Variants in ASAP1 observed in about 807,000 individuals in gnomAD.
ASAP1 encodes arf-GAP with SH3 domain, ANK repeat and PH domain-containing protein 1.
In ASAP1, 43 loss-of-function variants were observed where a neutral mutation model predicts 145.2. The ratio of observed to expected loss-of-function variants is 0.30; its 90% CI spans 0.23 to 0.38. The LOEUF (loss-of-function observed/expected upper bound fraction) is 0.38. ASAP1 is among the 10% of genes least tolerant of loss of function. The pLI is 1.00. For synonymous variants in ASAP1, 546 were observed against 515.5 expected, an observed-to-expected ratio of 1.06 and a Z score of -0.80; for missense variants, 1,018 against 1,355.3, an observed-to-expected ratio of 0.75 and a Z score of 3.91.
At chr8:130,178,044 C>A (rs1814086428) in intron 9 of ASAP1, among the ~76,000 whole-genome samples, 1 of 152,144 alleles carries the variant, frequency 6.6e-6, no homozygotes, top group Admixed American at 6.6e-5. Flanking sequence ...CTAACCCAAG[C>A]TTTGTGCTTT....
intron 26 of ASAP1, among the ~76,000 whole-genome samples, chr8:130,077,305 G>A (rs143867974): frequency 6.6e-6 from 1 of 152,280 alleles, no homozygotes; most frequent in East Asian, 1.9e-4. Context: ...ATCATCAAAC[G>A]TTAACCTCTG....
At chr8:130,234,909 T>C (rs1412458621) in intron 4 of ASAP1, among the ~76,000 whole-genome samples, 1 of 152,122 alleles carries the variant, frequency 6.6e-6, no homozygotes, top group Non-Finnish European at 1.5e-5. Flanking sequence ...TGAATTAAAA[T>C]AGAGAAGGCA....
At chr8:130,109,225 G>A (rs933493264) in intron 24 of ASAP1, among the ~76,000 whole-genome samples, 1 of 151,412 alleles carries the variant, frequency 6.6e-6, no homozygotes, top group Non-Finnish European at 1.5e-5. Flanking sequence ...GTTAGGCAGC[G>A]AAGTGTTTCG....
chr8:130,059,252 C>T, intron 28 of ASAP1, among the ~76,000 whole-genome samples: 1 of 151,778 alleles, frequency 6.6e-6, no homozygotes, highest in Non-Finnish European at 1.5e-5. Flanking sequence ...CAGCCTCGAT[C>T]TCCAGGGCTC....
At chr8:130,318,873 T>A (rs1007515194) in intron 3 of ASAP1, among the ~76,000 whole-genome samples, 16 of 152,086 alleles carry the variant, frequency 1.1e-4, no homozygotes, top group African/African-American at 3.1e-4. Flanking sequence ...GACAAAGCAA[T>A]GGGGCCTTCA....
chr8:130,400,558 C>A (rs7842504), intron 2 of ASAP1, among the ~76,000 whole-genome samples: 1 of 151,400 alleles, frequency 6.6e-6, no homozygotes, highest in Non-Finnish European at 1.5e-5. Context: ...GAGGCCGAGG[C>A]GGGCAGATCA....
chr8:130,195,353 A>T (rs1449725184), intron 5 of ASAP1: 1 of 145,752 alleles, frequency 6.9e-6, no homozygotes, highest in Middle Eastern at 3.3e-3. Context: ...CCTGGGAAGT[A>T]TAGCAAGACT....
chr8:130,330,059 T>C (rs1824583873), intron 3 of ASAP1, among the ~76,000 whole-genome samples: 1 of 152,238 alleles, frequency 6.6e-6, no homozygotes, highest in African/African-American at 2.4e-5. Context: ...CAGGACATTT[T>C]CATTACAGCT....
At chr8:130,057,871 C>T in intron 29 of ASAP1, 83 bp downstream of exon 29, 3 of 1,561,878 alleles carry the variant, frequency 1.9e-6, no homozygotes, top group Non-Finnish European at 2.6e-6. Flanking sequence ...TCTTTTACTG[C>T]ACTGTCTGTA....
At chr8:130,210,359 T>C (rs567763335) in intron 5 of ASAP1, among the ~76,000 whole-genome samples, 229 of 152,298 alleles carry the variant, frequency 1.5e-3, no homozygotes, top group Middle Eastern at 6.8e-3. Flanking sequence ...AAATACATAA[T>C]ACACATGGAA....
At chr8:130,268,843 C>T (rs796266102) in intron 3 of ASAP1, among the ~76,000 whole-genome samples, 4 of 152,100 alleles carry the variant, frequency 2.6e-5, no homozygotes, top group African/African-American at 9.7e-5. Context: ...GTTTGTTAAA[C>T]GAAATTCTTT....
chr8:130,395,792 G>A (rs1243563075), intron 2 of ASAP1, among the ~76,000 whole-genome samples: 2 of 151,530 alleles, frequency 1.3e-5, no homozygotes, highest in Non-Finnish European at 2.9e-5. Context: ...TCAGCCTCCC[G>A]AGGGGCTGGG....
rs528058327 is a variant in ASAP1 at position 130,237,809 on chromosome 8, G to T, written c.187-815C>A. Among the ~76,000 whole-genome samples the T allele has an allele frequency of 9.9e-5, 15 of 152,080 alleles. No individual in the cohort carries two copies. The South Asian group carries it at 2.1e-3, about 21-fold the overall frequency. On this transcript the variant is annotated intron_variant, in intron 3 of 29. Transcript: ENST00000518721. ...ACTCCAAAAACAAGTTTAAAATGGG[G>T]CATAGTCAATATACTTGGCACACTG...
rs377554978 is a variant in ASAP1 at position 130,098,404 on chromosome 8, CATG to C, written c.2402-6264_2402-6262del. ...TGTTGCCCAGGCTGGAGTGCAGTGG[CATG>C]ATCTTAGCTCACTGCAATGTCCACC... On this transcript the variant is annotated intron_variant, in intron 24 of 29. Coordinates refer to ENST00000518721, the MANE Select transcript of ASAP1 (RefSeq NM_018482.4). 7.6e-4 allele frequency among the ~76,000 whole-genome samples: 116 copies of C among 152,160 alleles called. 1 individual carries two copies. The South Asian group carries it at 0.024, about 32-fold the overall frequency.
chr8:130,087,929 G>A (rs1037174299), intron 25 of ASAP1, among the ~76,000 whole-genome samples: 1 of 152,108 alleles, frequency 6.6e-6, no homozygotes, highest in African/African-American at 2.4e-5. Context: ...ACAGGGGTTT[G>A]AGACTTTTGA....
At chr8:130,147,232 T>G (rs1215355267) in intron 13 of ASAP1, among the ~76,000 whole-genome samples, 5 of 137,296 alleles carry the variant, frequency 3.6e-5, no homozygotes, top group Non-Finnish European at 6.3e-5. Flanking sequence ...AAAAAAGAAT[T>G]CCAATAAACC....
At chr8:130,129,743 T>C (rs1244167734) in intron 15 of ASAP1, among the ~76,000 whole-genome samples, 2 of 152,188 alleles carry the variant, frequency 1.3e-5, no homozygotes, top group African/African-American at 2.4e-5. Context: ...AGTCACACCT[T>C]TGACTCTAGG....
At chr8:130,287,252 G>C (rs1335680324) in intron 3 of ASAP1, among the ~76,000 whole-genome samples, 1 of 152,222 alleles carries the variant, frequency 6.6e-6, no homozygotes, top group Non-Finnish European at 1.5e-5. Context: ...ATGGATGAAA[G>C]TATAGAAGGA....
At chr8:130,289,527 G>A (rs754021) in intron 3 of ASAP1, among the ~76,000 whole-genome samples, 27,591 of 152,144 alleles carry the variant, frequency 0.18, 3,168 homozygotes, top group East Asian at 0.44. Flanking sequence ...CTTGCAGACT[G>A]GTCCAAACTT....
Sources: gnomAD v4.1 joint callset for allele counts (sites outside exome capture counted in the v4.1 genomes callset) on GRCh38, gnomAD v4.1.1 for gene constraint, MANE v1.5 for transcripts, NCBI Gene and HGNC (gene_info 2026-07-23, HGNC 2026-07-21) for gene names.